The following TADA2A variants were observed in gnomAD, a reference collection of about 807,000 sequenced individuals.
TADA2A encodes transcriptional adaptor 2A.
Under a neutral mutation model 67.4 loss-of-function variants are expected in TADA2A, and 38 were observed. That is an observed-to-expected ratio of 0.56 (90% confidence interval 0.44 to 0.74). TADA2A has a LOEUF of 0.74. Ranked by LOEUF, TADA2A falls within the 30% of genes least tolerant of loss-of-function variation. The pLI is 0.00. For missense variants in TADA2A, 454 were observed against 547.0 expected, an observed-to-expected ratio of 0.83 and a Z score of 1.70; for synonymous variants, 192 against 181.6, an observed-to-expected ratio of 1.06 and a Z score of -0.46.
chr17:37,473,691 C>T (rs1026434070), intron 14 of TADA2A, among the ~76,000 whole-genome samples: 1 of 152,172 alleles, frequency 6.6e-6, no homozygotes, highest in African/African-American at 2.4e-5. Context: ...ATCAAGCTTC[C>T]CCTCCTGGCC....
chr17:37,418,022 C>G (rs2052105054), intron 2 of TADA2A, among the ~76,000 whole-genome samples: 1 of 152,112 alleles, frequency 6.6e-6, no homozygotes, highest in Admixed American at 6.6e-5. Context: ...TGTTGAATCA[C>G]TGTGCATATA....
chr17:37,464,392 T>C (rs1209355031), intron 10 of TADA2A, among the ~76,000 whole-genome samples: 1 of 152,180 alleles, frequency 6.6e-6, no homozygotes. Context: ...TAATGGGAAA[T>C]CTTCTGGATG....
chr17:37,468,367 G>A (rs549464619), intron 12 of TADA2A, among the ~76,000 whole-genome samples: 11 of 152,186 alleles, frequency 7.2e-5, no homozygotes, highest in African/African-American at 2.4e-4. Context: ...AGAAATTAAG[G>A]TATAAAGAGG....
At chr17:37,470,020 A>C (rs1174495633) in intron 12 of TADA2A, among the ~76,000 whole-genome samples, 6 of 152,214 alleles carry the variant, frequency 3.9e-5, no homozygotes, top group African/African-American at 1.2e-4. Context: ...ATATGCTTAT[A>C]GCACTTGTGT....
chr17:37,433,390 G>GCTCCTTCCTGTA (rs1424231812), intron 4 of TADA2A, among the ~76,000 whole-genome samples: 1 of 152,158 alleles, frequency 6.6e-6, no homozygotes, highest in African/African-American at 2.4e-5. Flanking sequence ...GGGTGCGGTG[G>GCTCCTTCCTGTA]CTCCTTCCTG....
At chr17:37,448,248 T>C (rs1227664453) in intron 8 of TADA2A, among the ~76,000 whole-genome samples, 3 of 152,104 alleles carry the variant, frequency 2.0e-5, no homozygotes, top group Non-Finnish European at 2.9e-5. Flanking sequence ...CACACAAAGA[T>C]TTTTGCCTTG....
intron 8 of TADA2A, among the ~76,000 whole-genome samples, chr17:37,446,446 A>G (rs1358134938): frequency 6.6e-6 from 1 of 151,962 alleles, no homozygotes; most frequent in Non-Finnish European, 1.5e-5. Flanking sequence ...CATAAATATC[A>G]TTCTTTTAGA....
chr17:37,458,469 TTATATAATATATATATGATATGTATA>T, intron 8 of TADA2A, 29 bp from the exon 9 acceptor site: 1 of 1,130,892 alleles, frequency 8.8e-7, no homozygotes, highest in Non-Finnish European at 1.1e-6. Flanking sequence ...TTTTATTTAT[TTATATAATATATATATGATATGTATA>T]TATAGTATAT....
rs555891496 is a variant in TADA2A, at chr17:37,458,435, G to A, written c.605-89G>A. ...TAGCAATATGAGGTTCAAAGTTTGG[G>A]TAAAAGATTTATTTTTGTCTTGGTT... is the stretch of plus-strand genomic sequence containing the variant. On this transcript the variant is annotated intron_variant, in intron 8 of 15. Coordinates refer to ENST00000615182, the MANE Select transcript of TADA2A (RefSeq NM_001166105.3). 5 of 931,126 alleles carry A rather than the reference G, an allele frequency of 5.4e-6. No homozygotes were observed. The East Asian group carries it at 1.2e-4, about 22-fold the overall frequency. The allele number at this position is 931,126 out of a possible 1,614,324, so 57.7% of individuals were successfully genotyped here. A position where few individuals can be genotyped will look rare whatever the true frequency, so the allele number is the denominator to read the frequency against.
intron 3 of TADA2A, 154 bp from the exon 4 acceptor site, chr17:37,426,796 G>A: frequency 3.4e-6 from 2 of 589,326 alleles, no homozygotes; most frequent in South Asian, 4.3e-5. Flanking sequence ...AGTGAGCTAT[G>A]ATGGTGCCAC....
intron 5 of TADA2A, 95 bp downstream of exon 5, chr17:37,437,924 T>G: frequency 8.6e-7 from 1 of 1,162,590 alleles, no homozygotes; most frequent in South Asian, 1.3e-5. Flanking sequence ...GAAGAGAAAG[T>G]ATGTGTTGCT....
intron 7 of TADA2A, among the ~76,000 whole-genome samples, chr17:37,443,533 C>T (rs909730486): frequency 2.0e-5 from 3 of 152,142 alleles, no homozygotes; most frequent in African/African-American, 7.2e-5. Flanking sequence ...GGATTACAGG[C>T]GTGAGCCACT....
chr17:37,472,192 A>G (rs879864925), intron 14 of TADA2A, among the ~76,000 whole-genome samples: 41 of 151,984 alleles, frequency 2.7e-4, no homozygotes, highest in Non-Finnish European at 5.1e-4. Context: ...CAGCCTCCCA[A>G]GTAGCTGGGA....
intron 4 of TADA2A, among the ~76,000 whole-genome samples, chr17:37,432,260 G>C (rs2052592705): frequency 6.6e-6 from 1 of 152,054 alleles, no homozygotes; most frequent in African/African-American, 2.4e-5. Flanking sequence ...CGCCTCCCGG[G>C]TTCAAGCAGT....
intron 8 of TADA2A, among the ~76,000 whole-genome samples, chr17:37,451,704 C>T (rs1016070984): frequency 2.0e-5 from 3 of 152,144 alleles, no homozygotes; most frequent in Admixed American, 6.6e-5. Context: ...CAGAAATGGG[C>T]CTGGCGCAGT....
chr17:37,447,776 G>A (rs1317670852), intron 8 of TADA2A, among the ~76,000 whole-genome samples: 4 of 152,180 alleles, frequency 2.6e-5, no homozygotes, highest in African/African-American at 9.6e-5. Context: ...TCCCTGAGCT[G>A]TCACTCGCAG....
chr17:37,429,440 T>G (rs1314445372), intron 4 of TADA2A, among the ~76,000 whole-genome samples: 2 of 152,074 alleles, frequency 1.3e-5, no homozygotes, highest in South Asian at 2.1e-4. Context: ...TATTTTTATT[T>G]TATTTATTTA....
intron 8 of TADA2A, among the ~76,000 whole-genome samples, chr17:37,451,041 A>T (rs199626666): frequency 3.4e-5 from 5 of 147,178 alleles, no homozygotes; most frequent in Admixed American, 6.8e-5. Context: ...TTTTTTTTTT[A>T]AAAGAAACAG....
At chr17:37,419,811 C>T (rs1268183353) in intron 2 of TADA2A, among the ~76,000 whole-genome samples, 6 of 142,312 alleles carry the variant, frequency 4.2e-5, no homozygotes, top group Admixed American at 1.4e-4. Flanking sequence ...TTCAGGAGTT[C>T]GAGACCAGCC....
Sources: allele counts gnomAD v4.1 joint callset (sites outside exome capture counted in the v4.1 genomes callset), GRCh38; gene constraint gnomAD v4.1.1; transcripts MANE v1.5; gene names NCBI Gene and HGNC (gene_info 2026-07-23, HGNC 2026-07-21).